Variants in MAP3K2 observed in about 807,000 individuals in gnomAD.
MAP3K2 encodes the protein mitogen-activated protein kinase kinase kinase 2.
Under a neutral mutation model 80.3 loss-of-function variants are expected in MAP3K2, and 24 were observed. The ratio of observed to expected loss-of-function variants is 0.30; its 90% confidence interval spans 0.22 to 0.42. The LOEUF is 0.42. Ranked by LOEUF, MAP3K2 falls within the 10% of genes least tolerant of loss-of-function variation. The pLI is 1.00. For synonymous variants in MAP3K2, 244 were observed against 253.7 expected, an observed-to-expected ratio of 0.96 and a Z score of 0.36; for missense variants, 608 against 750.1, an observed-to-expected ratio of 0.81 and a Z score of 2.21.
intron 1 of MAP3K2, among the ~76,000 whole-genome samples, chr2:127,367,093 C>T (rs1013775655): frequency 9.9e-5 from 15 of 151,994 alleles, no homozygotes; most frequent in Non-Finnish European, 1.5e-5. Context: ...AACTAACCTA[C>T]CCTTTCTCAA....
chr2:127,331,135 T>C (rs1686248582), intron 5 of MAP3K2, among the ~76,000 whole-genome samples: 1 of 152,194 alleles, frequency 6.6e-6, no homozygotes, highest in Non-Finnish European at 1.5e-5. Flanking sequence ...GCATGTGGAA[T>C]CTGCTTTCAC....
At chr2:127,326,253 G>A (rs1686136304) in intron 8 of MAP3K2, among the ~76,000 whole-genome samples, 1 of 109,930 alleles carries the variant, frequency 9.1e-6, no homozygotes, top group African/African-American at 3.0e-5. Flanking sequence ...ATAATGCGAT[G>A]CAATGCAATG....
At chr2:127,327,189 T>C (rs774482814) in intron 7 of MAP3K2, among the ~76,000 whole-genome samples, 12 of 152,214 alleles carry the variant, frequency 7.9e-5, no homozygotes, top group Non-Finnish European at 1.6e-4. Flanking sequence ...GAAATGATGC[T>C]ATATTTATTA....
chr2:127,378,241 G>T (rs1210155487), intron 1 of MAP3K2: 2 of 588,572 alleles, frequency 3.4e-6, no homozygotes, highest in East Asian at 1.4e-4. Context: ...AAACAAAACT[G>T]GTACATTATT....
At chr2:127,361,632 T>A (rs1686893950) in intron 1 of MAP3K2, among the ~76,000 whole-genome samples, 1 of 152,220 alleles carries the variant, frequency 6.6e-6, no homozygotes, top group Non-Finnish European at 1.5e-5. Flanking sequence ...ACATTTGGGA[T>A]GTATTTGCTT....
intron 1 of MAP3K2, among the ~76,000 whole-genome samples, chr2:127,370,210 C>T (rs1016055817): frequency 1.3e-5 from 2 of 152,202 alleles, no homozygotes; most frequent in South Asian, 2.1e-4. Flanking sequence ...ATGCCCGCAG[C>T]GCAAGCACAG....
chr2:127,359,109 A>C (rs575719222), intron 1 of MAP3K2, among the ~76,000 whole-genome samples: 2 of 152,136 alleles, frequency 1.3e-5, no homozygotes, highest in Non-Finnish European at 2.9e-5. Flanking sequence ...TGATATTGTA[A>C]TAGCAGATAT....
intron 1 of MAP3K2, among the ~76,000 whole-genome samples, chr2:127,361,784 T>C (rs759879504): frequency 3.9e-5 from 6 of 152,254 alleles, no homozygotes; most frequent in Admixed American, 3.9e-4. Flanking sequence ...CAAAGTATTG[T>C]AGAATGTTTT....
At chr2:127,342,388 GGTGTGTGTGT>G (rs56300936) in intron 2 of MAP3K2, among the ~76,000 whole-genome samples, 20 of 147,816 alleles carry the variant, frequency 1.4e-4, no homozygotes, top group Middle Eastern at 3.4e-3. Context: ...TCTTCATGAG[GGTGTGTGTGT>G]GTGTGTGTGT....
In MAP3K2 at chr2:127,301,987, A is replaced by AGCC. The variant is rs1685600425; in HGVS notation, c.*5591_*5592insGGC. The AGCC allele has an allele frequency of 6.6e-6, 1 of 152,172 alleles. No homozygotes were observed. The highest frequency in any genetic ancestry group is 6.5e-5 in the Admixed American group (1 of 15,278). The allele number at this position is 152,172 out of a possible 1,614,324, so 9.4% of individuals were successfully genotyped here. ...AGTCAAAGCCAAGCCAAAGACAACT[A>AGCC]TAAGTAGGAATAGCTGCTTCACAGC... On this transcript the variant is annotated 3_prime_UTR_variant, in exon 17 of 17. Transcript: ENST00000682094.
intron 1 of MAP3K2, among the ~76,000 whole-genome samples, chr2:127,381,107 T>G (rs894370082): frequency 6.6e-6 from 1 of 152,302 alleles, no homozygotes; most frequent in South Asian, 2.1e-4. Context: ...GCTAAAGGGA[T>G]TCTCCTGCCT....
chr2:127,387,062 A>G (rs527925690), intron 1 of MAP3K2, among the ~76,000 whole-genome samples: 1 of 152,166 alleles, frequency 6.6e-6, no homozygotes, highest in South Asian at 2.1e-4. Flanking sequence ...CCGTAAAGAG[A>G]AAAGGGGGAA....
rs1305878980 is a variant in MAP3K2, at chr2:127,355,028, CA to C, written c.-65-11835del. Among the ~76,000 whole-genome samples, 3 of 152,046 alleles carry C rather than the reference CA, an allele frequency of 2.0e-5. No individual in the cohort carries two copies. The South Asian group carries it at 6.2e-4, about 32-fold the overall frequency. ...AAAAAATAAAACCAATAAACAACTACAAAAAATGAACAGAGCATAAGCAGAC... is the reference window on the plus strand; with the variant it reads ...AAAAAATAAAACCAATAAACAACTACAAAAATGAACAGAGCATAAGCAGAC... On this transcript the variant is annotated intron_variant, in intron 1 of 16. Coordinates refer to ENST00000682094, the MANE Select transcript of MAP3K2 (RefSeq NM_001371910.2).
At chr2:127,376,693 C>T (rs1043080325) in intron 1 of MAP3K2, among the ~76,000 whole-genome samples, 17 of 152,288 alleles carry the variant, frequency 1.1e-4, no homozygotes, top group Non-Finnish European at 1.5e-4. Flanking sequence ...AAAACATACA[C>T]CTTCTGTTGT....
At chr2:127,326,087 T>G (rs1427182757) in intron 8 of MAP3K2, among the ~76,000 whole-genome samples, 1 of 152,106 alleles carries the variant, frequency 6.6e-6, no homozygotes, top group Non-Finnish European at 1.5e-5. Context: ...AAAATATTCT[T>G]TCTCTATAGA....
At chr2:127,314,990 C>T in intron 14 of MAP3K2, 107 bp from the exon 15 acceptor site, 1 of 733,596 alleles carries the variant, frequency 1.4e-6, no homozygotes, top group Non-Finnish European at 2.2e-6. Context: ...TCTCACTCGT[C>T]TAAGCATGTC....
In MAP3K2 at chr2:127,299,002, A is replaced by G. The variant is rs1050761241; in HGVS notation, c.*8577T>C. 1 of 152,224 alleles carries G rather than the reference A, an allele frequency of 6.6e-6. No homozygotes were observed. Among genetic ancestry groups the G allele is most frequent in the Non-Finnish European group, 1.5e-5 (1 of 68,038 alleles). The allele number at this position is 152,224 out of a possible 1,614,324, so 9.4% of individuals were successfully genotyped here. A position where few individuals can be genotyped will look rare whatever the true frequency, so the allele number is the denominator to read the frequency against. ...GAAAAAACAAGTACCTAGAAATTAT[A>G]AAACTCAGAAATTGTATACATTTTT... On this transcript the variant is annotated 3_prime_UTR_variant, in exon 17 of 17. Coordinates refer to ENST00000682094, the MANE Select transcript of MAP3K2 (RefSeq NM_001371910.2).
chr2:127,369,315 A>G (rs1687022289), intron 1 of MAP3K2, among the ~76,000 whole-genome samples: 1 of 150,902 alleles, frequency 6.6e-6, no homozygotes, highest in Non-Finnish European at 1.5e-5. Context: ...GCAGATACAG[A>G]GGACTGACTG....
chr2:127,326,227 A>ATT (rs751667228), intron 8 of MAP3K2, among the ~76,000 whole-genome samples: 16 of 139,044 alleles, frequency 1.2e-4, no homozygotes, highest in Non-Finnish European at 2.2e-4. Flanking sequence ...GTAAACTACT[A>ATT]TAATAGTGTG....
Sources: gnomAD v4.1 joint callset for allele counts (sites outside exome capture counted in the v4.1 genomes callset) on GRCh38, gnomAD v4.1.1 for gene constraint, MANE v1.5 for transcripts, NCBI Gene and HGNC (gene_info 2026-07-23, HGNC 2026-07-21) for gene names.